DHX32: variants seen among roughly 807,000 people sequenced by gnomAD.
DHX32 encodes the protein DEAH-box helicase 32 (putative).
DHX32 carries 51 observed loss-of-function variants against 70.0 expected under a neutral mutation model. The ratio of observed to expected loss-of-function variants is 0.73; its 90% CI spans 0.58 to 0.92. The LOEUF (loss-of-function observed/expected upper bound fraction) is 0.92, where lower values mean the gene tolerates loss of function less well. Ranked by LOEUF, DHX32 falls within the 40% of genes least tolerant of loss-of-function variation. The probability of loss-of-function intolerance (pLI) is 0.00; values close to 1 mark genes in which losing one functional copy is unlikely to be tolerated. For missense variants in DHX32, 762 were observed against 891.8 expected, an observed-to-expected ratio of 0.85 and a Z score of 1.85; for synonymous variants, 310 against 315.3, an observed-to-expected ratio of 0.98 and a Z score of 0.18.
Position 125,866,870 on chromosome 10 carries a change from A to G in DHX32, c.476+120T>C. On this transcript the variant is annotated intron_variant, in intron 2 of 10. Coordinates refer to ENST00000284690, the MANE Select transcript of DHX32 (RefSeq NM_018180.3). The surrounding 1 kb of genome is among the most constrained non-coding windows in gnomAD (Gnocchi z 4.8). ...TGCTGGCTGGCTGATGACAGAGACCAGTTGCTACTGCACAGCATAGATGCT... is the reference window on the plus strand; with the variant it reads ...TGCTGGCTGGCTGATGACAGAGACCGGTTGCTACTGCACAGCATAGATGCT... 9.8e-7 allele frequency: 1 copy of G among 1,023,740 alleles called. No individual in the cohort carries two copies. The highest frequency in any genetic ancestry group is 1.4e-6 in the Non-Finnish European group (1 of 708,582). 63.4% of individuals were successfully genotyped at this position (1,023,740 alleles called of 1,614,324 possible).
intron 1 of DHX32, among the ~76,000 whole-genome samples, chr10:125,876,264 T>C (rs1944283329): frequency 6.6e-6 from 1 of 152,250 alleles, no homozygotes; most frequent in Non-Finnish European, 1.5e-5. Context: ...AAGAGGCTGA[T>C]TGGAGTAATA....
rs561205621 is a variant in DHX32, at chr10:125,866,189, G to A, written c.476+801C>T. On this transcript the variant is annotated intron_variant, in intron 2 of 10. Transcript: ENST00000284690. The surrounding 1 kb of genome is among the most constrained non-coding windows in gnomAD (Gnocchi z 4.8). ...GCTGTGACCATTTCCTTGCGGTACT[G>A]TATGGATACTATCACTTTCTATGAT... 4.8e-4 allele frequency among the ~76,000 whole-genome samples: 73 copies of A among 152,350 alleles called. No individual in the cohort carries two copies. Among genetic ancestry groups the A allele is most frequent in the African/African-American group, 1.8e-3 (73 of 41,594 alleles).
intron 1 of DHX32, among the ~76,000 whole-genome samples, chr10:125,889,958 C>T (rs1338708955): frequency 1.1e-4 from 16 of 152,052 alleles, no homozygotes; most frequent in African/African-American, 3.4e-4. Context: ...AGAGCAGGTG[C>T]TTAAAGTCAG....
intron 1 of DHX32, among the ~76,000 whole-genome samples, chr10:125,876,136 C>A (rs1418308712): frequency 6.6e-6 from 1 of 152,174 alleles, no homozygotes; most frequent in Non-Finnish European, 1.5e-5. Context: ...GTGGACTCAG[C>A]ACATGAGGAC....
intron 6 of DHX32, among the ~76,000 whole-genome samples, chr10:125,845,028 C>G (rs1943993496): frequency 6.6e-6 from 1 of 152,186 alleles, no homozygotes; most frequent in Non-Finnish European, 1.5e-5. Flanking sequence ...ATTTTCCTTC[C>G]TTGGCATCAG....
chr10:125,842,109 A>G (rs1168184575), intron 6 of DHX32, 175 bp from the exon 7 acceptor site: 6 of 833,980 alleles, frequency 7.2e-6, no homozygotes, highest in Non-Finnish European at 1.0e-5. Context: ...TGAGAGGGCA[A>G]ACTCAGGAGG....
At chr10:125,860,646 T>A (rs1944180881) in intron 2 of DHX32, among the ~76,000 whole-genome samples, 1 of 152,186 alleles carries the variant, frequency 6.6e-6, no homozygotes, top group African/African-American at 2.4e-5. Flanking sequence ...TTGGGATGAT[T>A]TTTTAAAATT....
chr10:125,870,215 C>T lies in DHX32; in HGVS notation c.283-3032G>A, dbSNP rs541712915. Among the ~76,000 whole-genome samples, 43 of 152,206 alleles carry T rather than the reference C, an allele frequency of 2.8e-4. 2 individuals are homozygous for T. The South Asian group carries it at 8.7e-3, about 31-fold the overall frequency. Reference sequence around the variant, plus strand: ...TATCAGAAGAACATCCAGGCATAACCATCCTGGGATCAACGGAAAAGCAAG... The same window carrying T: ...TATCAGAAGAACATCCAGGCATAACTATCCTGGGATCAACGGAAAAGCAAG... On this transcript the variant is annotated intron_variant, in intron 1 of 10. Coordinates refer to ENST00000284690, the MANE Select transcript of DHX32 (RefSeq NM_018180.3).
chr10:125,887,603 TTTTC>T (rs1944347213), intron 1 of DHX32, among the ~76,000 whole-genome samples: 3 of 152,184 alleles, frequency 2.0e-5, no homozygotes, highest in African/African-American at 7.2e-5. Flanking sequence ...GGTTACAGTC[TTTTC>T]TTTATTTTAC....
At chr10:125,838,915 C>A in intron 9 of DHX32, 86 bp downstream of exon 9, 1 of 1,368,142 alleles carries the variant, frequency 7.3e-7, no homozygotes, top group Non-Finnish European at 9.9e-7. Flanking sequence ...ATGTCAAAAT[C>A]ATCATCCTAA....
At chr10:125,841,493 G>A in intron 7 of DHX32, 1 of 1,452,492 alleles carries the variant, frequency 6.9e-7, no homozygotes, top group Non-Finnish European at 9.0e-7. Context: ...AAGAAATCTA[G>A]TATGTTTTCA....
chr10:125,876,941 T>G (rs1389765513), intron 1 of DHX32, among the ~76,000 whole-genome samples: 1 of 152,120 alleles, frequency 6.6e-6, no homozygotes, highest in African/African-American at 2.4e-5. Flanking sequence ...CTACACACTG[T>G]TTTTCAGTAA....
chr10:125,892,073 C>G (rs1184980546), intron 1 of DHX32, among the ~76,000 whole-genome samples: 3 of 152,200 alleles, frequency 2.0e-5, no homozygotes, highest in African/African-American at 7.2e-5. Flanking sequence ...GCATCTCAAA[C>G]TGAACACATC....
chr10:125,880,162 C>T (rs1408253970), intron 1 of DHX32, among the ~76,000 whole-genome samples: 1 of 152,166 alleles, frequency 6.6e-6, no homozygotes, highest in Non-Finnish European at 1.5e-5. Flanking sequence ...ATTCTCAGAC[C>T]ACTGGGCACT....
At chr10:125,889,963 A>C (rs1415690459) in intron 1 of DHX32, among the ~76,000 whole-genome samples, 1 of 152,312 alleles carries the variant, frequency 6.6e-6, no homozygotes, top group Admixed American at 6.5e-5. Flanking sequence ...AGGTGCTTAA[A>C]GTCAGGCAGT....
intron 9 of DHX32, among the ~76,000 whole-genome samples, chr10:125,838,667 C>T (rs1027958312): frequency 7.9e-5 from 12 of 152,112 alleles, no homozygotes; most frequent in South Asian, 2.1e-4. Context: ...AAACTTAGCA[C>T]GCTACCCACC....
intron 1 of DHX32, among the ~76,000 whole-genome samples, chr10:125,893,513 G>C (rs1227986855): frequency 6.6e-6 from 1 of 152,224 alleles, no homozygotes; most frequent in Non-Finnish European, 1.5e-5. Context: ...AAAGTGCTGG[G>C]ATTACAGGCG....
chr10:125,859,391 T>C (rs1944170840), intron 3 of DHX32, among the ~76,000 whole-genome samples: 1 of 152,252 alleles, frequency 6.6e-6, no homozygotes, highest in Non-Finnish European at 1.5e-5. Context: ...AGATCATGTC[T>C]AGAGACTCCT....
intron 2 of DHX32, among the ~76,000 whole-genome samples, chr10:125,861,876 C>CG: frequency 6.6e-6 from 1 of 151,690 alleles, no homozygotes; most frequent in South Asian, 2.1e-4. Flanking sequence ...TCACTGAACC[C>CG]GGGGGTAGTC....
Sources: allele counts gnomAD v4.1 joint callset (sites outside exome capture counted in the v4.1 genomes callset), GRCh38; gene constraint gnomAD v4.1.1; non-coding constraint Gnocchi (gnomAD v3.1); transcripts MANE v1.5; gene names NCBI Gene and HGNC (gene_info 2026-07-23, HGNC 2026-07-21).